The following POTEC variants were observed in gnomAD, a reference collection of about 807,000 sequenced individuals.
The protein encoded by POTEC is ANKRD26-like family B member 2.
A neutral mutation model predicts 62.0 loss-of-function variants in POTEC; 35 were observed. That is an observed-to-expected ratio of 0.56 (90% CI 0.43 to 0.75). The LOEUF (loss-of-function observed/expected upper bound fraction) is 0.75. Ranked by LOEUF, POTEC falls within the 30% of genes least tolerant of loss-of-function variation. POTEC has a pLI of 0.00. For missense variants in POTEC, 472 were observed against 655.9 expected, an observed-to-expected ratio of 0.72 and a Z score of 3.06; for synonymous variants, 156 against 221.5, an observed-to-expected ratio of 0.70 and a Z score of 2.62.
At chr18:14,512,690 G>C (rs1386610989) in intron 10 of POTEC, among the ~76,000 whole-genome samples, 4 of 152,200 alleles carry the variant, frequency 2.6e-5, no homozygotes, top group Admixed American at 2.6e-4. Context: ...AGAATCGTGT[G>C]TACCTGGGAG....
chr18:14,526,397 C>G (rs1041448144), intron 6 of POTEC, among the ~76,000 whole-genome samples: 12 of 152,110 alleles, frequency 7.9e-5, no homozygotes, highest in African/African-American at 2.9e-4. Flanking sequence ...GACAGTCTTG[C>G]ACATCATCTT....
intron 9 of POTEC, among the ~76,000 whole-genome samples, chr18:14,520,472 T>C (rs955428942): frequency 6.6e-6 from 1 of 152,164 alleles, no homozygotes; most frequent in Non-Finnish European, 1.5e-5. Context: ...ACTCATCAAA[T>C]ATACAAAGTA....
rs529399390 is a variant in POTEC at position 14,537,729 on chromosome 18, T to G, written c.810+72A>C. 3 of 1,544,176 alleles carry G rather than the reference T, an allele frequency of 1.9e-6. No homozygotes were observed. In the African/African-American group the frequency reaches 4.1e-5, roughly 21 times the overall value. Reference sequence around the variant, plus strand: ...GCTTGAGCTTCCAAATACGGAAAACTGGCCCTTACACAGGTCAATGTTAAC... The same window carrying G: ...GCTTGAGCTTCCAAATACGGAAAACGGGCCCTTACACAGGTCAATGTTAAC... On this transcript the variant is annotated intron_variant, in intron 3 of 10. Transcript: ENST00000358970.
chr18:14,512,969 A>G (rs1312239529), intron 10 of POTEC, among the ~76,000 whole-genome samples: 2 of 152,338 alleles, frequency 1.3e-5, no homozygotes, highest in East Asian at 3.9e-4. Context: ...CTTAGAAATC[A>G]TGAGATTATT....
intron 3 of POTEC, among the ~76,000 whole-genome samples, chr18:14,536,153 A>T (rs141356295): frequency 6.6e-6 from 1 of 151,370 alleles, no homozygotes; most frequent in African/African-American, 2.4e-5. Context: ...GAGCTTAGGG[A>T]TGTCAAGGCT....
chr18:14,527,713 A>G (rs1910473189), intron 6 of POTEC: 1 of 152,158 alleles, frequency 6.6e-6, no homozygotes, highest in African/African-American at 2.4e-5. Context: ...TTTATTACAA[A>G]CAACCCTTCC....
chr18:14,517,981 T>C (rs1189491336), intron 9 of POTEC, among the ~76,000 whole-genome samples: 1 of 152,164 alleles, frequency 6.6e-6, no homozygotes, highest in Non-Finnish European at 1.5e-5. Context: ...CTTTTCTCTC[T>C]AAATAAAAAA....
At chr18:14,534,013 C>T (rs1386348280) in intron 4 of POTEC, among the ~76,000 whole-genome samples, 3 of 149,108 alleles carry the variant, frequency 2.0e-5, no homozygotes, top group African/African-American at 2.5e-5. Context: ...CATGCTGGTG[C>T]GCTGCACCCA....
At chr18:14,525,889 A>G (rs1281803107) in intron 6 of POTEC, among the ~76,000 whole-genome samples, 1 of 152,014 alleles carries the variant, frequency 6.6e-6, no homozygotes, top group East Asian at 1.9e-4. Flanking sequence ...ACAAATTTAT[A>G]TTCATTTTTC....
At chr18:14,534,135 T>C (rs1045690954) in intron 4 of POTEC, among the ~76,000 whole-genome samples, 5 of 134,334 alleles carry the variant, frequency 3.7e-5, no homozygotes, top group African/African-American at 1.4e-4. Flanking sequence ...CCATGTGATC[T>C]CATTGTTCAA....
Position 14,543,248 on chromosome 18 carries a change from A to G in POTEC, c.-102T>C. On this transcript the variant is annotated 5_prime_UTR_variant, in exon 1 of 11. Coordinates refer to ENST00000358970, the MANE Select transcript of POTEC (RefSeq NM_001137671.2). ...AACCCTGGGTTTCCAATCTGTTTGA[A>G]GAGAAAGGTCAATCCCAGCCAAAAC... 4 of 1,512,504 alleles carry G rather than the reference A, an allele frequency of 2.6e-6. No homozygotes were observed. The highest frequency in any genetic ancestry group is 3.6e-6 in the Non-Finnish European group (4 of 1,114,416). The allele number at this position is 1,512,504 out of a possible 1,614,324, so 93.7% of individuals were successfully genotyped here.
At position 14,511,914 on chromosome 18, in the gene POTEC, G is replaced by C; in HGVS notation, c.1613C>G (p.Ser538Cys). The change falls in exon 11 of 11, where the codon TCT (serine) becomes TGT (cysteine). Residue 538 changes from serine to cysteine, a missense_variant. Transcript: ENST00000358970. Reference sequence around the variant, plus strand: ...TTGTTTCATCTAGTTCCAGTCTCCAGAAATTAGCATGGCAATTTCTTCCTG... The same window carrying C: ...TTGTTTCATCTAGTTCCAGTCTCCACAAATTAGCATGGCAATTTCTTCCTG... ...MLQEEIAMLI[S>C]GDWN 1 of 1,613,770 alleles carries C rather than the reference G, an allele frequency of 6.2e-7. No homozygotes were observed. The highest frequency in any genetic ancestry group is 1.7e-5 in the Admixed American group (1 of 60,024).
In POTEC at chr18:14,537,212, A is replaced by ACACACACACACAC. The variant is rs1905763794; in HGVS notation, c.810+588_810+589insGTGTGTGTGTGTG. Reference sequence around the variant, plus strand: ...ACACACACACACACACACACACACAAAAAAAAAAAAAAACAAAAAAAAACC... The same window carrying ACACACACACACAC: ...ACACACACACACACACACACACACAACACACACACACACAAAAAAAAAAAAACAAAAAAAAACC... On this transcript the variant is annotated intron_variant, in intron 3 of 10. Coordinates refer to ENST00000358970, the MANE Select transcript of POTEC (RefSeq NM_001137671.2). Among the ~76,000 whole-genome samples, 439 of 60,444 alleles carry ACACACACACACAC rather than the reference A, an allele frequency of 7.3e-3. 1 individual carries two copies. Among genetic ancestry groups the ACACACACACACAC allele is most frequent in the Middle Eastern group, 0.012 (1 of 84 alleles). The allele number at this position is 60,444 out of a possible 152,430, so 39.7% of individuals were successfully genotyped here.
chr18:14,532,233 A>G (rs1431352586), intron 5 of POTEC, among the ~76,000 whole-genome samples: 2 of 152,110 alleles, frequency 1.3e-5, no homozygotes, highest in African/African-American at 2.4e-5. Context: ...ATCTCTTACC[A>G]TGAAGGTCTC....
At chr18:14,518,050 A>C (rs1280766451) in intron 9 of POTEC, among the ~76,000 whole-genome samples, 1 of 152,214 alleles carries the variant, frequency 6.6e-6, no homozygotes, top group East Asian at 1.9e-4. Context: ...AAATGCACAT[A>C]ATTACCGGGC....
chr18:14,507,568 C>A lies in POTEC; in HGVS notation c.*4330G>T, dbSNP rs1399648539. Reference sequence around the variant, plus strand: ...TGTGTCTTTCAATTGGAGCATTTAGCCCATTTCCATTTAAGGTTAGTAATG... The same window carrying A: ...TGTGTCTTTCAATTGGAGCATTTAGACCATTTCCATTTAAGGTTAGTAATG... On this transcript the variant is annotated 3_prime_UTR_variant, in exon 11 of 11. Transcript: ENST00000358970. 6.6e-6 allele frequency: 1 copy of A among 151,982 alleles called. No individual in the cohort carries two copies. Among genetic ancestry groups the A allele is most frequent in the East Asian group, 1.9e-4 (1 of 5,174 alleles). The allele number at this position is 151,982 out of a possible 1,614,324, so 9.4% of individuals were successfully genotyped here.
At chr18:14,516,722 A>G (rs949559709) in intron 9 of POTEC, among the ~76,000 whole-genome samples, 2 of 151,328 alleles carry the variant, frequency 1.3e-5, no homozygotes, top group African/African-American at 4.9e-5. Flanking sequence ...TATTTCAAAG[A>G]TAGCAATTTT....
At position 14,543,366 on chromosome 18, in the gene POTEC, G is replaced by T; in HGVS notation, c.-220C>A. ...CCCACGCCCACCAGGGGGACCCAACGCCCACCCCAGGAAAGGCCAAGCCCC... is the reference window on the plus strand; with the variant it reads ...CCCACGCCCACCAGGGGGACCCAACTCCCACCCCAGGAAAGGCCAAGCCCC... On this transcript the variant is annotated 5_prime_UTR_variant, in exon 1 of 11. Transcript: ENST00000358970. The T allele has an allele frequency of 2.7e-6, 2 of 747,310 alleles. No homozygotes were observed. The highest frequency in any genetic ancestry group is 4.3e-6 in the Non-Finnish European group (2 of 465,730). The allele number at this position is 747,310 out of a possible 1,614,324, so 46.3% of individuals were successfully genotyped here.
intron 9 of POTEC, among the ~76,000 whole-genome samples, chr18:14,517,932 C>T (rs1910208961): frequency 1.3e-5 from 2 of 152,062 alleles, no homozygotes; most frequent in South Asian, 2.1e-4. Flanking sequence ...ATTATGATTA[C>T]TAGTAAAAGA....
Sources: gnomAD v4.1 joint callset for allele counts (sites outside exome capture counted in the v4.1 genomes callset) on GRCh38, gnomAD v4.1.1 for gene constraint, MANE v1.5 for transcripts, NCBI Gene and HGNC (gene_info 2026-07-23, HGNC 2026-07-21) for gene names.